ANTXRL: variants seen among roughly 807,000 people sequenced by gnomAD.
ANTXRL encodes the protein anthrax toxin receptor-like.
A neutral mutation model predicts 75.4 loss-of-function variants in ANTXRL; 63 were observed. The ratio of observed to expected loss-of-function variants is 0.84; its 90% confidence interval spans 0.68 to 1.03. The LOEUF (loss-of-function observed/expected upper bound fraction) is 1.03, where lower values mean the gene tolerates loss of function less well. ANTXRL is among the 50% of genes least tolerant of loss of function. ANTXRL has a pLI of 0.00. For missense variants in ANTXRL, 797 were observed against 789.4 expected (o/e 1.01, Z -0.12); for synonymous variants, 335 against 291.3 (o/e 1.15, Z -1.53).
rs1554955506 is a variant in ANTXRL, at chr10:46,287,387, G to A, written c.125G>A (p.Arg42His). 3.9e-6 allele frequency: 6 copies of A among 1,535,990 alleles called. No individual in the cohort carries two copies. The highest frequency in any genetic ancestry group is 2.4e-5 in the South Asian group (2 of 84,046). ...GGACCTGACTGGAGAATATTTCACC[G>A]CCTGGCCCTGGGCTCCAGGAGAGCC... ...YHGPDWRIFHRLALGSRRAHH... is the reference protein window; with the variant it reads ...YHGPDWRIFHHLALGSRRAHH... Residue 42 changes from arginine (R) to histidine (H), a missense_variant, in exon 1 of 17, where the codon CGC (arginine) becomes CAC (histidine). Arg to His is a conservative substitution (Grantham distance 29, BLOSUM62 0). Around this residue, in one of 3 missense-constraint regions of ANTXRL, gnomAD observed 262 missense variants for 271.9 expected, o/e 0.96. Coordinates refer to ENST00000620264, the MANE Select transcript of ANTXRL (RefSeq NM_001278688.3).
In ANTXRL at chr10:46,329,802, A is replaced by G; in HGVS notation, c.1614A>G (p.Gln538=). 1 of 1,533,356 alleles carries G rather than the reference A, an allele frequency of 6.5e-7. No homozygotes were observed. The highest frequency in any genetic ancestry group is 2.5e-5 in the East Asian group (1 of 40,612). The allele number at this position is 1,533,356 out of a possible 1,614,324, so 95.0% of individuals were successfully genotyped here. The stretch of plus-strand genomic sequence containing the variant: ...CAAACATCTGCCTGAGACACAGCCA[A>G]CACAGCAGGGAGTGCCTTGCCCGCA... ...CSPNICLRHS[Q]HSRECLARKQ... is the part of the protein sequence containing the mutation. The change falls in exon 17 of 17, where the codon CAA becomes CAG. Residue 538 remains glutamine, a synonymous_variant. Transcript: ENST00000620264.
At chr10:46,311,252 T>C (rs545340132) in intron 14 of ANTXRL, among the ~76,000 whole-genome samples, 3 of 152,120 alleles carry the variant, frequency 2.0e-5, no homozygotes, top group Admixed American at 1.3e-4. Context: ...GCTGGGACCA[T>C]TGCATAACCC....
intron 2 of ANTXRL, among the ~76,000 whole-genome samples, chr10:46,292,516 G>GTCAAGGATGGCTT (rs1837036877): frequency 6.6e-6 from 1 of 152,192 alleles, no homozygotes; most frequent in Non-Finnish European, 1.5e-5. Flanking sequence ...TAAGGACAAA[G>GTCAAGGATGGCTT]TCAAGGATGG....
chr10:46,307,576 C>T (rs1483648068), intron 12 of ANTXRL, 96 bp downstream of exon 12: 4 of 1,202,802 alleles, frequency 3.3e-6, no homozygotes, highest in Admixed American at 4.0e-5. Flanking sequence ...CCCAGGCAGT[C>T]CCAGAAAGTA....
intron 16 of ANTXRL, among the ~76,000 whole-genome samples, chr10:46,324,709 A>C (rs1400079229): frequency 2.0e-5 from 3 of 152,152 alleles, no homozygotes; most frequent in African/African-American, 7.2e-5. Context: ...ACCCATAAAT[A>C]TTCAGGTGTT....
chr10:46,329,453 A>C lies in ANTXRL; in HGVS notation c.1411-146A>C, dbSNP rs1839381356. On this transcript the variant is annotated intron_variant, in intron 16 of 16. Transcript: ENST00000620264. ...AGGAGTCCAGGCTGGAGGCAGCACC[A>C]AGGGGAGAGAGGAGGAGCACAGCAA... 6.5e-6 allele frequency: 7 copies of C among 1,072,772 alleles called. No individual in the cohort carries two copies. In the East Asian group the frequency reaches 7.8e-5, roughly 12 times the overall value. 66.5% of individuals were successfully genotyped at this position (1,072,772 alleles called of 1,614,324 possible).
At chr10:46,315,519 C>T (rs1394193081) in intron 16 of ANTXRL, among the ~76,000 whole-genome samples, 1 of 152,206 alleles carries the variant, frequency 6.6e-6, no homozygotes, top group Admixed American at 6.5e-5. Context: ...GATCTCCCCT[C>T]AGACAGGGAT....
rs1554955419 is a variant in ANTXRL, at chr10:46,287,216, G to C, written c.-47G>C. On this transcript the variant is annotated 5_prime_UTR_variant, in exon 1 of 17. Transcript: ENST00000620264. ...CCTGTGCTCAGCCTCTCTGGGCCCT[G>C]GCACAGGCACCCAAGAGTGAGGTGG... The C allele has an allele frequency of 1.3e-6, 2 of 1,526,586 alleles. No homozygotes were observed. Among genetic ancestry groups the C allele is most frequent in the Non-Finnish European group, 8.7e-7 (1 of 1,142,950 alleles). 94.6% of individuals were successfully genotyped at this position (1,526,586 alleles called of 1,614,324 possible).
At chr10:46,329,045 G>C (rs1839363290) in intron 16 of ANTXRL, among the ~76,000 whole-genome samples, 2 of 152,176 alleles carry the variant, frequency 1.3e-5, no homozygotes. Flanking sequence ...GCAGCTGTGT[G>C]GGTGGTGCCT....
At chr10:46,304,259 A>G (rs1323890518) in intron 10 of ANTXRL, among the ~76,000 whole-genome samples, 11 of 152,192 alleles carry the variant, frequency 7.2e-5, no homozygotes, top group African/African-American at 2.2e-4. Flanking sequence ...GTATGTGTCA[A>G]TCAGAACAAC....
chr10:46,326,889 C>T (rs1469479691), intron 16 of ANTXRL, among the ~76,000 whole-genome samples: 3 of 152,050 alleles, frequency 2.0e-5, no homozygotes, highest in Non-Finnish European at 4.4e-5. Flanking sequence ...GCTCTGGGTA[C>T]GGCCTTGAGC....
chr10:46,321,512 C>T (rs557960395), intron 16 of ANTXRL, among the ~76,000 whole-genome samples: 1 of 152,248 alleles, frequency 6.6e-6, no homozygotes, highest in Non-Finnish European at 1.5e-5. Flanking sequence ...TGAAGCCTCA[C>T]TGCAGTGTGG....
At chr10:46,322,085 A>G (rs1400995659) in intron 16 of ANTXRL, among the ~76,000 whole-genome samples, 1 of 152,012 alleles carries the variant, frequency 6.6e-6, no homozygotes, top group African/African-American at 2.4e-5. Context: ...TTTTCTGATA[A>G]TTTCTTGGCT....
At chr10:46,309,456 G>A (rs1160163824) in intron 13 of ANTXRL, among the ~76,000 whole-genome samples, 2 of 152,166 alleles carry the variant, frequency 1.3e-5, no homozygotes, top group East Asian at 1.9e-4. Context: ...ATGGGGTTGA[G>A]GCCTGCCCTG....
Position 46,329,901 on chromosome 10 carries a change from C to T in ANTXRL, c.1713C>T (p.Cys571=). The T allele has an allele frequency of 6.5e-7, 1 of 1,535,932 alleles. No individual in the cohort carries two copies. The highest frequency in any genetic ancestry group is 1.4e-5 in the African/African-American group (1 of 73,138). Reference sequence around the variant, plus strand: ...ACTTTTCCCAAGCACAGACTCTGTGCAACCCAAAGAGCTGCCTTCAACCCA... The same window carrying T: ...ACTTTTCCCAAGCACAGACTCTGTGTAACCCAAAGAGCTGCCTTCAACCCA... ...PEYFSQAQTL[C]NPKSCLQPSR... The change falls in exon 17 of 17, where the codon TGC becomes TGT. Residue 571 remains cysteine, a synonymous_variant. Coordinates refer to ENST00000620264, the MANE Select transcript of ANTXRL (RefSeq NM_001278688.3).
intron 9 of ANTXRL, among the ~76,000 whole-genome samples, chr10:46,302,244 C>T (rs184495130): frequency 6.7e-4 from 102 of 152,220 alleles, no homozygotes; most frequent in Admixed American, 3.4e-3. Flanking sequence ...GGAGAGACCT[C>T]GAATGTTCAG....
intron 16 of ANTXRL, among the ~76,000 whole-genome samples, chr10:46,318,689 A>G (rs7905020): frequency 0.049 from 7,394 of 152,206 alleles, 614 homozygotes; most frequent in African/African-American, 0.17. Context: ...AATTGTGGTG[A>G]TAGCCCCTGG....
Position 46,297,288 on chromosome 10 carries a change from G to C in ANTXRL, c.545G>C (p.Gly182Ala). The C allele has an allele frequency of 2.0e-6, 3 of 1,536,516 alleles. 1 individual carries two copies. The highest frequency in any genetic ancestry group is 2.6e-6 in the Non-Finnish European group (3 of 1,146,880). Residue 182 changes from glycine (G) to alanine (A), a missense_variant, in exon 6 of 17, where the codon GGA becomes GCA. Coordinates refer to ENST00000620264, the MANE Select transcript of ANTXRL (RefSeq NM_001278688.3). ...VPSMIIAMTD[G>A]ELVAHAFQDT... ...AGCATGATTATTGCTATGACTGATG[G>C]AGAACTGGTGGCACATGCATTTCAG...
chr10:46,313,851 A>G (rs1209931851), intron 16 of ANTXRL, among the ~76,000 whole-genome samples: 7 of 152,264 alleles, frequency 4.6e-5, no homozygotes, highest in Admixed American at 3.9e-4. Flanking sequence ...ATTAAGTAGC[A>G]TGTCCCTGCT....
Sources: gnomAD v4.1 joint callset for allele counts (sites outside exome capture counted in the v4.1 genomes callset) on GRCh38, gnomAD v4.1.1 for gene constraint, gnomAD v4.1.1 regional missense constraint, MANE v1.5 for transcripts, NCBI Gene and HGNC (gene_info 2026-07-23, HGNC 2026-07-21) for gene names.